Variants in MMP26 observed in about 807,000 individuals in gnomAD.
The protein encoded by MMP26 is matrix metalloproteinase-26.
In MMP26, 33 loss-of-function variants were observed where a neutral mutation model predicts 31.0. The observed-to-expected ratio is 1.06, with a 90% CI of 0.81 to 1.42. MMP26 has a LOEUF of 1.42. Among genes scored for constraint, MMP26 ranks in the 40% most tolerant of loss-of-function variants. The pLI, the probability that MMP26 is intolerant of heterozygous loss-of-function variation, is 0.00. For missense variants in MMP26, 347 were observed against 316.1 expected (o/e 1.10, Z -0.74); for synonymous variants, 122 against 114.9 (o/e 1.06, Z -0.40).
At chr11:4,846,841 T>G (rs1334872174) in intron 2 of MMP26, among the ~76,000 whole-genome samples, 1 of 152,222 alleles carries the variant, frequency 6.6e-6, no homozygotes, top group Non-Finnish European at 1.5e-5. Flanking sequence ...AATTACTCTG[T>G]TAGTTAACTT....
In MMP26 at chr11:4,948,966, T is replaced by G. The variant is rs77815973; in HGVS notation, c.-144-39102T>G. Among the ~76,000 whole-genome samples, 242 of 124,188 alleles carry G rather than the reference T, an allele frequency of 1.9e-3. 55 individuals are homozygous for G. In the East Asian group the frequency reaches 0.02, roughly 10 times the overall value. 81.5% of individuals were successfully genotyped at this position (124,188 alleles called of 152,430 possible). A position where few individuals can be genotyped will look rare whatever the true frequency, so the allele number is the denominator to read the frequency against. ...AAAGAGATAGCAGAAAGTTTGTGTA[T>G]GTTTGTGTGTGTGAAAATTGCTTTG... On this transcript the variant is annotated intron_variant, in intron 2 of 7. Transcript: ENST00000380390.
intron 2 of MMP26, among the ~76,000 whole-genome samples, chr11:4,834,329 ATACCT>A (rs1564790617): frequency 1.3e-5 from 2 of 152,142 alleles, no homozygotes; most frequent in Non-Finnish European, 2.9e-5. Flanking sequence ...AATAACTTTA[ATACCT>A]GAGCCTCCCT....
At chr11:4,880,848 T>A (rs556900364) in intron 2 of MMP26, among the ~76,000 whole-genome samples, 2 of 152,264 alleles carry the variant, frequency 1.3e-5, no homozygotes, top group South Asian at 4.1e-4. Context: ...TATAATTCAG[T>A]GTTAACAAAT....
In MMP26 at chr11:4,769,881, T is replaced by A. The variant is rs17324812; in HGVS notation, c.-145+2540T>A. On this transcript the variant is annotated intron_variant, in intron 2 of 7. Transcript: ENST00000380390. ...CCAGGAATGCCGGTCAACAAGAAGG[T>A]TGGAAATTTAGATGTTGAGTTGCTT... 5 of 1,611,344 alleles carry A rather than the reference T, an allele frequency of 3.1e-6. No individual in the cohort carries two copies. In the African/African-American group the frequency reaches 4.0e-5, roughly 13 times the overall value.
intron 1 of MMP26, among the ~76,000 whole-genome samples, chr11:4,741,651 T>C (rs1413037458): frequency 5.3e-5 from 1 of 18,742 alleles, no homozygotes; most frequent in African/African-American, 1.9e-4. Flanking sequence ...CTGTTGGGGG[T>C]GGGTGGGGGA....
chr11:4,801,455 G>T (rs925694359), intron 2 of MMP26, among the ~76,000 whole-genome samples: 2 of 152,068 alleles, frequency 1.3e-5, no homozygotes, highest in Admixed American at 6.6e-5. Flanking sequence ...TACATCACAT[G>T]GCAGGAGTGG....
rs544143365 is a variant in MMP26, at chr11:4,783,440, G to T, written c.-145+16099G>T. Among the ~76,000 whole-genome samples the T allele has an allele frequency of 5.9e-4, 90 of 152,312 alleles. 1 individual carries two copies. The highest frequency in any genetic ancestry group is 3.1e-3 in the Admixed American group (47 of 15,306). ...TTTACCCAATGCCTGTACCCCCATT[G>T]TACCTAGCAAGAAACTAACTTGCTT... is the stretch of plus-strand genomic sequence containing the variant. On this transcript the variant is annotated intron_variant, in intron 2 of 7. Transcript: ENST00000380390.
intron 1 of MMP26, among the ~76,000 whole-genome samples, chr11:4,728,502 G>A (rs569907853): frequency 6.6e-6 from 1 of 152,274 alleles, no homozygotes; most frequent in South Asian, 2.1e-4. Flanking sequence ...GAGTGCCCAT[G>A]GGACTTGTGG....
chr11:4,708,998 A>C (rs1426138075), intron 1 of MMP26, among the ~76,000 whole-genome samples: 1 of 151,930 alleles, frequency 6.6e-6, no homozygotes, highest in Non-Finnish European at 1.5e-5. Flanking sequence ...ACTTAGTTTT[A>C]TTTATTTATT....
chr11:4,761,726 T>C (rs1361252951), intron 1 of MMP26, among the ~76,000 whole-genome samples: 1 of 152,238 alleles, frequency 6.6e-6, no homozygotes, highest in Non-Finnish European at 1.5e-5. Flanking sequence ...GCTATATGTT[T>C]CTTGTAAATA....
At chr11:4,873,148 G>A (rs1177143618) in intron 2 of MMP26, among the ~76,000 whole-genome samples, 1 of 151,994 alleles carries the variant, frequency 6.6e-6, no homozygotes, top group African/African-American at 2.4e-5. Context: ...CTTTTCCTTG[G>A]TTCATGAGAT....
intron 2 of MMP26, among the ~76,000 whole-genome samples, chr11:4,864,128 T>C (rs1333501538): frequency 6.6e-6 from 1 of 152,130 alleles, no homozygotes; most frequent in Admixed American, 6.6e-5. Context: ...TTGGAACGGA[T>C]AGAATGATTG....
chr11:4,975,001 A>T (rs555391577), intron 2 of MMP26, among the ~76,000 whole-genome samples: 1 of 152,194 alleles, frequency 6.6e-6, no homozygotes, highest in South Asian at 2.1e-4. Flanking sequence ...TAGCTAATGC[A>T]TGCTGGGCTT....
intron 2 of MMP26, chr11:4,907,714 T>C (rs1270970729): frequency 6.2e-7 from 1 of 1,613,970 alleles, no homozygotes; most frequent in Non-Finnish European, 8.5e-7. Context: ...CCTCAGTACT[T>C]CTAATTATGT....
At chr11:4,814,047 C>T (rs1319213490) in intron 2 of MMP26, among the ~76,000 whole-genome samples, 1 of 152,090 alleles carries the variant, frequency 6.6e-6, no homozygotes, top group Non-Finnish European at 1.5e-5. Context: ...TATTATTCAA[C>T]ATTATTATTC....
intron 2 of MMP26, chr11:4,914,481 G>A: frequency 2.1e-6 from 1 of 474,500 alleles, no homozygotes; most frequent in Non-Finnish European, 3.8e-6. Flanking sequence ...AGAGCATGTG[G>A]GTTTAGAATT....
chr11:4,956,946 AT>A, intron 2 of MMP26, among the ~76,000 whole-genome samples: 1 of 152,190 alleles, frequency 6.6e-6, no homozygotes, highest in Non-Finnish European at 1.5e-5. Flanking sequence ...GAATCTTGAA[AT>A]TTTTTAAATA....
chr11:4,782,386 G>A (rs1390770310), intron 2 of MMP26, among the ~76,000 whole-genome samples: 1 of 152,200 alleles, frequency 6.6e-6, no homozygotes, highest in African/African-American at 2.4e-5. Flanking sequence ...CTAGAGATTT[G>A]TGAAACTTTG....
At chr11:4,809,321 A>G (rs1182886893) in intron 2 of MMP26, among the ~76,000 whole-genome samples, 1 of 152,236 alleles carries the variant, frequency 6.6e-6, no homozygotes, top group Admixed American at 6.5e-5. Context: ...AATAAAATCA[A>G]CTTGTAAAAC....
Sources: allele counts gnomAD v4.1 joint callset (sites outside exome capture counted in the v4.1 genomes callset), GRCh38; gene constraint gnomAD v4.1.1; transcripts MANE v1.5; gene names NCBI Gene and HGNC (gene_info 2026-07-23, HGNC 2026-07-21).